The following SMIM17 variants were observed in gnomAD, a reference collection of about 807,000 sequenced individuals.
SMIM17 encodes the protein small integral membrane protein 17.
Under a neutral mutation model 12.2 loss-of-function variants are expected in SMIM17, and 10 were observed. The observed-to-expected ratio is 0.82, with a 90% CI of 0.50 to 1.39. The LOEUF (loss-of-function observed/expected upper bound fraction) is 1.39, where lower values mean the gene tolerates loss of function less well. Ranked by LOEUF, SMIM17 falls within the 40% of genes most tolerant of loss-of-function variation. The pLI, the probability that SMIM17 is intolerant of heterozygous loss-of-function variation, is 0.00. For synonymous variants in SMIM17, 50 were observed against 44.1 expected (o/e 1.13, Z -0.53); for missense variants, 136 against 118.2 (o/e 1.15, Z -0.70).
intron 3 of SMIM17, among the ~76,000 whole-genome samples, chr19:56,649,224 G>A (rs1226825869): frequency 6.6e-6 from 1 of 152,204 alleles, no homozygotes; most frequent in African/African-American, 2.4e-5. Flanking sequence ...GGTATAACAA[G>A]GTACGTTTCA....
chr19:56,643,264 G>C (rs1176274411), intron 1 of SMIM17, 54 bp downstream of exon 1: 1 of 154,290 alleles, frequency 6.5e-6, no homozygotes, highest in Non-Finnish European at 1.4e-5. Flanking sequence ...AAAAGGGGCT[G>C]GGGGCGCGGG....
chr19:56,656,155 A>G lies in SMIM17; in HGVS notation c.*942A>G, dbSNP rs2045149959. On this transcript the variant is annotated 3_prime_UTR_variant, in exon 4 of 4. Coordinates refer to ENST00000598409, the MANE Select transcript of SMIM17 (RefSeq NM_001193628.2). ...GAGACGGGGTTTCACCGTGTTAGCCAGGATGGTCTCGATCTCCTGACCTCG... is the reference window on the plus strand; with the variant it reads ...GAGACGGGGTTTCACCGTGTTAGCCGGGATGGTCTCGATCTCCTGACCTCG... 6.6e-6 allele frequency among the ~76,000 whole-genome samples: 1 copy of G among 151,924 alleles called. No homozygotes were observed. The highest frequency in any genetic ancestry group is 1.5e-5 in the Non-Finnish European group (1 of 67,992).
In SMIM17 at chr19:56,651,414, G is replaced by A. The variant is rs1355220221; in HGVS notation, c.247-3689G>A. Among the ~76,000 whole-genome samples, 8 of 152,154 alleles carry A rather than the reference G, an allele frequency of 5.3e-5. No homozygotes were observed. The East Asian group carries it at 1.5e-3, about 29-fold the overall frequency. Reference sequence around the variant, plus strand: ...CCTGTGGAGAGGAGTGAGTGAAGAAGTGGAAGAAAGAAAAAGAGTTACTTT... The same window carrying A: ...CCTGTGGAGAGGAGTGAGTGAAGAAATGGAAGAAAGAAAAAGAGTTACTTT... On this transcript the variant is annotated intron_variant, in intron 3 of 3. Transcript: ENST00000598409.
intron 1 of SMIM17, among the ~76,000 whole-genome samples, chr19:56,643,569 G>A (rs1292848662): frequency 6.6e-6 from 1 of 152,150 alleles, no homozygotes; most frequent in East Asian, 1.9e-4. Context: ...CTGGGGCTTG[G>A]TGTCGATGTT....
chr19:56,651,675 G>A (rs2148043304), intron 3 of SMIM17, among the ~76,000 whole-genome samples: 2 of 152,208 alleles, frequency 1.3e-5, no homozygotes, highest in Non-Finnish European at 2.9e-5. Flanking sequence ...TTGAGGTGGG[G>A]GGATTTCGGG....
intron 3 of SMIM17, among the ~76,000 whole-genome samples, chr19:56,649,212 T>C (rs1449699735): frequency 6.6e-6 from 1 of 152,150 alleles, no homozygotes; most frequent in East Asian, 1.9e-4. Context: ...CACAGGCAAG[T>C]TGGTATAACA....
intron 3 of SMIM17, among the ~76,000 whole-genome samples, chr19:56,648,375 TTCCATCCA>T (rs3071091): frequency 3.0e-3 from 432 of 146,348 alleles, no homozygotes; most frequent in African/African-American, 8.7e-3. Context: ...CATATACCCA[TTCCATCCA>T]TCCATCCATC....
intron 3 of SMIM17, among the ~76,000 whole-genome samples, chr19:56,648,960 C>T (rs1275961851): frequency 6.6e-6 from 1 of 152,178 alleles, no homozygotes; most frequent in Non-Finnish European, 1.5e-5. Flanking sequence ...CTGGCTGCCT[C>T]AAGCCAGAAA....
intron 3 of SMIM17, among the ~76,000 whole-genome samples, chr19:56,648,309 C>T (rs963597071): frequency 1.1e-4 from 16 of 150,756 alleles, no homozygotes; most frequent in Middle Eastern, 3.4e-3. Context: ...TGAACATCCA[C>T]CAACTATTCA....
chr19:56,650,256 C>T (rs2045099280), intron 3 of SMIM17, among the ~76,000 whole-genome samples: 1 of 152,152 alleles, frequency 6.6e-6, no homozygotes, highest in Non-Finnish European at 1.5e-5. Flanking sequence ...TCACTGCAAC[C>T]TCCGCCTCCT....
chr19:56,644,070 G>A (rs1051249575), intron 1 of SMIM17, among the ~76,000 whole-genome samples: 3 of 151,600 alleles, frequency 2.0e-5, no homozygotes, highest in Admixed American at 6.6e-5. Context: ...CATTCACTGC[G>A]GATCCAGCTT....
rs1451843280 is a variant in SMIM17 at position 56,655,791 on chromosome 19, C to A, written c.*578C>A. 1 of 152,442 alleles carries A rather than the reference C, an allele frequency of 6.6e-6. No homozygotes were observed. Among genetic ancestry groups the A allele is most frequent in the Non-Finnish European group, 1.5e-5 (1 of 68,256 alleles). The allele number at this position is 152,442 out of a possible 1,614,324, so 9.4% of individuals were successfully genotyped here. A position where few individuals can be genotyped will look rare whatever the true frequency, so the allele number is the denominator to read the frequency against. On this transcript the variant is annotated 3_prime_UTR_variant, in exon 4 of 4. Transcript: ENST00000598409. Reference sequence around the variant, plus strand: ...TTTCTGTAGCTTAGGAAGTATCAGTCCCTTGACACCTTACATGAATTCATT... The same window carrying A: ...TTTCTGTAGCTTAGGAAGTATCAGTACCTTGACACCTTACATGAATTCATT...
chr19:56,644,961 T>C (rs117679887), intron 1 of SMIM17, among the ~76,000 whole-genome samples: 5,519 of 152,294 alleles, frequency 0.036, 148 homozygotes, highest in Non-Finnish European at 0.06. Context: ...CCCTCCCACC[T>C]TGGTCTCCCA....
At chr19:56,647,420 TGAGA>T (rs72370552) in intron 2 of SMIM17, 134 bp from the exon 3 acceptor site, 13,805 of 534,974 alleles carry the variant, frequency 0.026, 16 homozygotes, top group East Asian at 0.039. Context: ...AGAAGGAGGG[TGAGA>T]GAGAGAGAGA....
At chr19:56,655,049 C>T in intron 3 of SMIM17, 54 bp from the exon 4 acceptor site, 1 of 603,220 alleles carries the variant, frequency 1.7e-6, no homozygotes, top group Non-Finnish European at 3.0e-6. Context: ...CTGCAAGTAA[C>T]AATGGTGGCC....
At chr19:56,646,244 G>A (rs1303548661) in intron 2 of SMIM17, among the ~76,000 whole-genome samples, 1 of 152,184 alleles carries the variant, frequency 6.6e-6, no homozygotes, top group Non-Finnish European at 1.5e-5. Context: ...CCTCATGGGG[G>A]TGCTTGCAGG....
rs1338328981 is a variant in SMIM17 at position 56,655,084 on chromosome 19, T to C, written c.247-19T>C. The C allele has an allele frequency of 3.0e-6, 2 of 672,814 alleles. No individual in the cohort carries two copies. Among genetic ancestry groups the C allele is most frequent in the South Asian group, 3.2e-5 (2 of 62,252 alleles). The allele number at this position is 672,814 out of a possible 1,614,324, so 41.7% of individuals were successfully genotyped here. ...CCCTTCCTTTCCAATATTTATCCTT[T>C]TCCTTTTTTCTGTTTCAGGGCTTTG... On this transcript the variant is annotated intron_variant, in intron 3 of 3. Transcript: ENST00000598409.
rs1336801062 is a variant in SMIM17, at chr19:56,655,763, T to C, written c.*550T>C. 1 of 152,976 alleles carries C rather than the reference T, an allele frequency of 6.5e-6. No individual in the cohort carries two copies. The highest frequency in any genetic ancestry group is 1.5e-5 in the Non-Finnish European group (1 of 68,578). 9.5% of individuals were successfully genotyped at this position (152,976 alleles called of 1,614,324 possible). A position where few individuals can be genotyped will look rare whatever the true frequency, so the allele number is the denominator to read the frequency against. ...CTTTTACCTTTTCTATGCTTTTCAA[T>C]AGTTTCTGTAGCTTAGGAAGTATCA... On this transcript the variant is annotated 3_prime_UTR_variant, in exon 4 of 4. Transcript: ENST00000598409.
Position 56,645,799 on chromosome 19 carries a change from G to A in SMIM17, c.132G>A (p.Val44=). ...HPACTKDWEA[V]EVGASSHDSD... ...CCTGCACCAAAGACTGGGAGGCTGT[G>A]GAGGTTGGGGCCTCCAGCCATGACA... The change falls in exon 2 of 4, where the codon GTG becomes GTA. Residue 44 remains valine (V), a synonymous_variant. Transcript: ENST00000598409. The A allele has an allele frequency of 6.5e-7, 1 of 1,535,846 alleles. No individual in the cohort carries two copies. The highest frequency in any genetic ancestry group is 1.2e-5 in the South Asian group (1 of 83,978).
Sources: gnomAD v4.1 joint callset for allele counts (sites outside exome capture counted in the v4.1 genomes callset) on GRCh38, gnomAD v4.1.1 for gene constraint, MANE v1.5 for transcripts, NCBI Gene and HGNC (gene_info 2026-07-23, HGNC 2026-07-21) for gene names.